The following ADAMTS6 variants were observed in gnomAD, a reference collection of about 807,000 sequenced individuals.
ADAMTS6 encodes the protein A disintegrin and metalloproteinase with thrombospondin motifs 6.
In ADAMTS6, 23 loss-of-function variants were observed where a neutral mutation model predicts 144.3. That is an observed-to-expected ratio of 0.16 (90% CI 0.11 to 0.23). The LOEUF (loss-of-function observed/expected upper bound fraction) is 0.23. Ranked by LOEUF, ADAMTS6 falls within the 10% of genes least tolerant of loss-of-function variation. The pLI is 1.00. For synonymous variants in ADAMTS6, 444 were observed against 457.5 expected (o/e 0.97, Z 0.38); for missense variants, 999 against 1,379.6 (o/e 0.72, Z 4.37).
rs1455125040 is a variant in ADAMTS6, at chr5:65,369,149, G to C, written c.1074-35064C>G. Among the ~76,000 whole-genome samples the C allele has an allele frequency of 2.6e-5, 4 of 152,294 alleles. No individual in the cohort carries two copies. In the East Asian group the frequency reaches 7.7e-4, roughly 29 times the overall value. On this transcript the variant is annotated intron_variant, in intron 7 of 24. Transcript: ENST00000381055. ...TTGGGAGGATCCCTTGATCCCAGGA[G>C]TTTGAAGCTGCAGTGAGCTATGATC...
chr5:65,404,140 T>A (rs1754202636), intron 7 of ADAMTS6, among the ~76,000 whole-genome samples: 1 of 152,062 alleles, frequency 6.6e-6, no homozygotes, highest in Non-Finnish European at 1.5e-5. Flanking sequence ...TAAGAAAATA[T>A]AATTCACTTA....
rs1580087733 is a variant in ADAMTS6 at position 65,217,756 on chromosome 5, C to T, written c.2273-2269G>A. On this transcript the variant is annotated intron_variant, in intron 18 of 24. Coordinates refer to ENST00000381055, the MANE Select transcript of ADAMTS6 (RefSeq NM_197941.4). ...AATGATATTTTAACTAAAATAAAAA[C>T]TCATTTAGGTCTCACTAAGGGTTTC... Among the ~76,000 whole-genome samples the T allele has an allele frequency of 2.0e-5, 3 of 152,064 alleles. 1 individual carries two copies. The South Asian group carries it at 6.2e-4, about 31-fold the overall frequency.
At chr5:65,403,470 T>C (rs1160452545) in intron 7 of ADAMTS6, among the ~76,000 whole-genome samples, 1 of 152,120 alleles carries the variant, frequency 6.6e-6, no homozygotes, top group Non-Finnish European at 1.5e-5. Flanking sequence ...ATTCTCGATC[T>C]TCCCCTATAA....
intron 9 of ADAMTS6, among the ~76,000 whole-genome samples, chr5:65,325,614 C>T (rs914405698): frequency 2.0e-5 from 3 of 151,928 alleles, no homozygotes; most frequent in Non-Finnish European, 4.4e-5. Flanking sequence ...CCCACCTCAG[C>T]CTCTCAAGTA....
chr5:65,276,483 CT>C (rs1012992001), intron 11 of ADAMTS6, among the ~76,000 whole-genome samples: 1 of 151,920 alleles, frequency 6.6e-6, no homozygotes, highest in African/African-American at 2.4e-5. Flanking sequence ...TTTCCCAAGA[CT>C]TTTTTTTCTT....
chr5:65,174,048 T>C (rs900575637), intron 22 of ADAMTS6, among the ~76,000 whole-genome samples: 1 of 151,290 alleles, frequency 6.6e-6, no homozygotes, highest in African/African-American at 2.4e-5. Context: ...TATACTTCCT[T>C]CCCCTCAATC....
chr5:65,161,995 A>G (rs1752808694), intron 24 of ADAMTS6, among the ~76,000 whole-genome samples: 1 of 152,240 alleles, frequency 6.6e-6, no homozygotes, highest in South Asian at 2.1e-4. Flanking sequence ...CTTACTTTAG[A>G]ATAATATTAA....
At chr5:65,429,926 T>A (rs532922137) in intron 7 of ADAMTS6, among the ~76,000 whole-genome samples, 68 of 152,128 alleles carry the variant, frequency 4.5e-4, no homozygotes, top group Non-Finnish European at 6.8e-4. Context: ...TTCTAACAAC[T>A]ATCACTTAAC....
intron 20 of ADAMTS6, among the ~76,000 whole-genome samples, chr5:65,199,920 G>T (rs921565468): frequency 6.6e-6 from 1 of 152,058 alleles, no homozygotes; most frequent in Non-Finnish European, 1.5e-5. Context: ...GTTCATTTTA[G>T]CTTCATGATT....
At chr5:65,196,755 T>C (rs1314233977) in intron 21 of ADAMTS6, among the ~76,000 whole-genome samples, 2 of 151,980 alleles carry the variant, frequency 1.3e-5, no homozygotes, top group Non-Finnish European at 2.9e-5. Context: ...TGCTTTAGAA[T>C]TGATGAAATA....
At chr5:65,277,662 T>A (rs1164932370) in intron 11 of ADAMTS6, among the ~76,000 whole-genome samples, 1 of 152,120 alleles carries the variant, frequency 6.6e-6, no homozygotes, top group African/African-American at 2.4e-5. Context: ...CAGTAGACTG[T>A]AAAATTCCCA....
intron 11 of ADAMTS6, among the ~76,000 whole-genome samples, chr5:65,285,296 G>A (rs1763278074): frequency 6.6e-6 from 1 of 151,970 alleles, no homozygotes; most frequent in South Asian, 2.1e-4. Context: ...AGAGCACTGG[G>A]CACAGTGGCT....
chr5:65,329,291 G>A (rs546111353), intron 9 of ADAMTS6, 87 bp downstream of exon 9: 10 of 1,192,884 alleles, frequency 8.4e-6, no homozygotes, highest in Middle Eastern at 1.9e-4. Flanking sequence ...GTAAAATAAG[G>A]TTCAGCACAG....
At chr5:65,162,630 C>CACACAT (rs1410789502) in intron 24 of ADAMTS6, among the ~76,000 whole-genome samples, 3 of 145,648 alleles carry the variant, frequency 2.1e-5, no homozygotes, top group African/African-American at 8.3e-5. Flanking sequence ...TACACACACA[C>CACACAT]ACACACACAC....
At chr5:65,296,057 AAC>A (rs753357099) in intron 10 of ADAMTS6, among the ~76,000 whole-genome samples, 1 of 152,148 alleles carries the variant, frequency 6.6e-6, no homozygotes, top group Non-Finnish European at 1.5e-5. Context: ...TTTTCACTAT[AAC>A]AGTTATACCA....
At chr5:65,262,994 C>T in intron 12 of ADAMTS6, 32 bp from the exon 13 acceptor site, 1 of 1,613,170 alleles carries the variant, frequency 6.2e-7, no homozygotes. Flanking sequence ...ACAGAATTAG[C>T]TTTTAGGCAG....
At chr5:65,259,255 T>C (rs2112583726) in intron 14 of ADAMTS6, among the ~76,000 whole-genome samples, 1 of 151,878 alleles carries the variant, frequency 6.6e-6, no homozygotes, top group Non-Finnish European at 1.5e-5. Flanking sequence ...ACACCTGTAA[T>C]ACAGCTACTC....
At chr5:65,187,952 A>T in intron 22 of ADAMTS6, 64 bp downstream of exon 22, 1 of 1,533,256 alleles carries the variant, frequency 6.5e-7, no homozygotes, top group Non-Finnish European at 9.0e-7. Context: ...CTTAATATTA[A>T]CTGCTTTAGG....
chr5:65,383,589 C>A (rs1053881970), intron 7 of ADAMTS6, among the ~76,000 whole-genome samples: 1 of 152,042 alleles, frequency 6.6e-6, no homozygotes, highest in Non-Finnish European at 1.5e-5. Context: ...ACTCTCAAGG[C>A]TTTGCTTGGT....
Sources: gnomAD v4.1 joint callset for allele counts (sites outside exome capture counted in the v4.1 genomes callset) on GRCh38, gnomAD v4.1.1 for gene constraint, MANE v1.5 for transcripts, NCBI Gene and HGNC (gene_info 2026-07-23, HGNC 2026-07-21) for gene names.